The following CLRN1 variants were observed in gnomAD, a reference collection of about 807,000 sequenced individuals.
The protein encoded by CLRN1 is clarin-1.
In CLRN1, 15 loss-of-function variants were observed where a neutral mutation model predicts 18.7. The ratio of observed to expected loss-of-function variants is 0.80; its 90% CI spans 0.54 to 1.23. The LOEUF (loss-of-function observed/expected upper bound fraction) is 1.23, where lower values mean the gene tolerates loss of function less well. Ranked by LOEUF, CLRN1 falls within the 50% of genes most tolerant of loss-of-function variation. The pLI is 0.00. For synonymous variants in CLRN1, 104 were observed against 102.9 expected, an observed-to-expected ratio of 1.01 and a Z score of -0.07; for missense variants, 311 against 277.5, an observed-to-expected ratio of 1.12 and a Z score of -0.86.
At chr3:150,949,691 A>G (rs1714384696) in intron 1 of CLRN1, among the ~76,000 whole-genome samples, 1 of 152,230 alleles carries the variant, frequency 6.6e-6, no homozygotes, top group Non-Finnish European at 1.5e-5. Flanking sequence ...TGAAGAAATC[A>G]GAGAAGACAC....
chr3:150,934,783 T>C (rs1713364178), intron 2 of CLRN1, among the ~76,000 whole-genome samples: 1 of 152,136 alleles, frequency 6.6e-6, no homozygotes, highest in African/African-American at 2.4e-5. Flanking sequence ...TTTGGTTCTC[T>C]CTCTTCCTCT....
At chr3:150,947,787 T>C (rs1007869819) in intron 1 of CLRN1, among the ~76,000 whole-genome samples, 1 of 152,182 alleles carries the variant, frequency 6.6e-6, no homozygotes, top group Non-Finnish European at 1.5e-5. Context: ...TTAAACAACA[T>C]GTTCCTGAAT....
chr3:150,936,404 G>A (rs761299169), intron 2 of CLRN1, among the ~76,000 whole-genome samples: 3 of 152,072 alleles, frequency 2.0e-5, no homozygotes, highest in Admixed American at 6.6e-5. Flanking sequence ...ACTCAGACTC[G>A]ATGTGCCCCA....
intron 1 of CLRN1, 40 bp from the exon 2 acceptor site, chr3:150,941,801 T>C: frequency 6.5e-7 from 1 of 1,548,922 alleles, no homozygotes; most frequent in Non-Finnish European, 8.9e-7. Flanking sequence ...GAAGTTTCAT[T>C]AGCAGTAGTC....
intron 1 of CLRN1, among the ~76,000 whole-genome samples, chr3:150,944,607 C>A (rs1559984262): frequency 6.6e-6 from 1 of 151,516 alleles, no homozygotes; most frequent in Non-Finnish European, 1.5e-5. Flanking sequence ...CGCCTGTAAT[C>A]CCAGCACTTT....
At chr3:150,951,592 C>G (rs1366015050) in intron 1 of CLRN1, among the ~76,000 whole-genome samples, 1 of 152,146 alleles carries the variant, frequency 6.6e-6, no homozygotes, top group East Asian at 1.9e-4. Flanking sequence ...CCTGCCTGAG[C>G]CTCCCAAAGT....
intron 2 of CLRN1, among the ~76,000 whole-genome samples, chr3:150,937,077 T>G (rs954449221): frequency 4.6e-5 from 7 of 152,208 alleles, no homozygotes; most frequent in African/African-American, 1.7e-4. Flanking sequence ...TATGTACACT[T>G]TTGAAATTAG....
At chr3:150,933,508 G>A (rs1271229339) in intron 2 of CLRN1, among the ~76,000 whole-genome samples, 1 of 152,118 alleles carries the variant, frequency 6.6e-6, no homozygotes, top group Non-Finnish European at 1.5e-5. Flanking sequence ...AAGAGTGAAT[G>A]CAAAGGAAGT....
intron 1 of CLRN1, among the ~76,000 whole-genome samples, chr3:150,965,601 G>GAGCAGCAAAT (rs1284371027): frequency 6.6e-6 from 1 of 152,170 alleles, no homozygotes; most frequent in Non-Finnish European, 1.5e-5. Flanking sequence ...AAAGAAAGCA[G>GAGCAGCAAAT]AGCAGCAAAT....
chr3:150,945,972 C>T (rs915641860), intron 1 of CLRN1, among the ~76,000 whole-genome samples: 2 of 152,184 alleles, frequency 1.3e-5, no homozygotes, highest in Admixed American at 6.5e-5. Flanking sequence ...CAAGGATATT[C>T]ATTGCAGCAT....
intron 2 of CLRN1, among the ~76,000 whole-genome samples, chr3:150,935,117 C>T (rs1713386376): frequency 7.0e-6 from 1 of 143,212 alleles, no homozygotes; most frequent in Admixed American, 7.1e-5. Flanking sequence ...ATTGGTCCTA[C>T]ATCAATTTTT....
chr3:150,929,577 C>G lies in CLRN1; in HGVS notation c.434-1376G>C, dbSNP rs111498816. On this transcript the variant is annotated intron_variant, in intron 2 of 2. Coordinates refer to ENST00000327047, the MANE Select transcript of CLRN1 (RefSeq NM_174878.3). ...CAATTTCTTCATCTATAAAAGGTGGCTAATATAAATAAAGCATGATTTGCA... is the reference window on the plus strand; with the variant it reads ...CAATTTCTTCATCTATAAAAGGTGGGTAATATAAATAAAGCATGATTTGCA... Among the ~76,000 whole-genome samples the G allele has an allele frequency of 4.9e-3, 749 of 152,280 alleles. 3 individuals are homozygous for G. Among genetic ancestry groups the G allele is most frequent in the African/African-American group, 0.017 (704 of 41,526 alleles).
At chr3:150,970,356 T>G (rs964377756) in intron 1 of CLRN1, among the ~76,000 whole-genome samples, 1 of 152,132 alleles carries the variant, frequency 6.6e-6, no homozygotes, top group Non-Finnish European at 1.5e-5. Context: ...ACTTTGAGGG[T>G]GCAATGTGTC....
At chr3:150,944,805 C>T (rs548411453) in intron 1 of CLRN1, among the ~76,000 whole-genome samples, 1 of 151,692 alleles carries the variant, frequency 6.6e-6, no homozygotes, top group East Asian at 1.9e-4. Flanking sequence ...TTGTCCTGAG[C>T]AACTGAATAA....
chr3:150,943,118 C>T (rs574104138), intron 1 of CLRN1, among the ~76,000 whole-genome samples: 2 of 152,094 alleles, frequency 1.3e-5, no homozygotes, highest in African/African-American at 2.4e-5. Flanking sequence ...TTGTTTTAAG[C>T]CCCTGAACTT....
chr3:150,962,674 T>C (rs568050384), intron 1 of CLRN1, among the ~76,000 whole-genome samples: 1 of 152,306 alleles, frequency 6.6e-6, no homozygotes, highest in African/African-American at 2.4e-5. Context: ...TAGCTAACTT[T>C]GAAGATCATA....
chr3:150,942,625 C>T (rs1281202900), intron 1 of CLRN1: 1 of 454,976 alleles, frequency 2.2e-6, no homozygotes, highest in Non-Finnish European at 4.4e-6. Flanking sequence ...CCTGTTGTCT[C>T]ACAGAGCTTA....
chr3:150,944,111 G>GTA, intron 1 of CLRN1: 1 of 533,216 alleles, frequency 1.9e-6, no homozygotes, highest in Non-Finnish European at 3.4e-6. Flanking sequence ...GAAACGAGCT[G>GTA]ACACCTGAAT....
At chr3:150,955,203 C>G (rs1295079571) in intron 1 of CLRN1, among the ~76,000 whole-genome samples, 2 of 152,112 alleles carry the variant, frequency 1.3e-5, no homozygotes, top group Admixed American at 1.3e-4. Context: ...ATGATAAGGA[C>G]AGAAAACAGA....
Sources: allele counts gnomAD v4.1 joint callset (sites outside exome capture counted in the v4.1 genomes callset), GRCh38; gene constraint gnomAD v4.1.1; transcripts MANE v1.5; gene names NCBI Gene and HGNC (gene_info 2026-07-23, HGNC 2026-07-21).